The following ZFYVE28 variants were observed in gnomAD, a reference collection of about 807,000 sequenced individuals.
The protein encoded by ZFYVE28 is zinc finger FYVE-type containing 28.
Under a neutral mutation model 82.1 loss-of-function variants are expected in ZFYVE28, and 40 were observed. That is an observed-to-expected ratio of 0.49 (90% CI 0.38 to 0.63). ZFYVE28 has a LOEUF of 0.63. ZFYVE28 is among the 30% of genes least tolerant of loss of function. The probability of loss-of-function intolerance (pLI) is 0.00; values close to 1 mark genes in which losing one functional copy is unlikely to be tolerated. For synonymous variants in ZFYVE28, 612 were observed against 546.1 expected (o/e 1.12, Z -1.68); for missense variants, 1,321 against 1,242.1 (o/e 1.06, Z -0.96).
In ZFYVE28 at chr4:2,339,746, G is replaced by A; in HGVS notation, c.319-91C>T. The A allele has an allele frequency of 3.1e-6, 4 of 1,272,146 alleles. No homozygotes were observed. Among genetic ancestry groups the A allele is most frequent in the South Asian group, 1.5e-5 (1 of 68,350 alleles). The allele number at this position is 1,272,146 out of a possible 1,614,324, so 78.8% of individuals were successfully genotyped here. ...CGGGGAACCTGACTGCGCACCTCGG[G>A]GCCCCTCTTCTCACCCCACAGCACA... On this transcript the variant is annotated intron_variant, in intron 3 of 12. Transcript: ENST00000290974. This position sits in a 1 kb window ranked among gnomAD's most constrained non-coding sequence, Gnocchi z 5.0.
chr4:2,311,187 C>T (rs1717421082), intron 7 of ZFYVE28, among the ~76,000 whole-genome samples: 1 of 152,104 alleles, frequency 6.6e-6, no homozygotes, highest in African/African-American at 2.4e-5. Context: ...TTCTCTTGAA[C>T]TAGTCCAGCT....
At chr4:2,383,664 G>C (rs1452940532) in intron 1 of ZFYVE28, among the ~76,000 whole-genome samples, 1 of 152,208 alleles carries the variant, frequency 6.6e-6, no homozygotes, top group Non-Finnish European at 1.5e-5. Flanking sequence ...CACGCTTCAA[G>C]TGTCAAAGCC....
chr4:2,386,148 T>A (rs1729237861), intron 1 of ZFYVE28, among the ~76,000 whole-genome samples: 1 of 152,078 alleles, frequency 6.6e-6, no homozygotes, highest in Non-Finnish European at 1.5e-5. Flanking sequence ...GAATGTCCCC[T>A]CCCAAATGCA....
chr4:2,417,676 G>A lies in ZFYVE28; in HGVS notation c.39+609C>T, dbSNP rs886302231. ...GTGTGGGTCAGTCCTGGTTCGGGAA[G>A]GGAGGCCGTTGGCAGGGCCATCAGG... On this transcript the variant is annotated intron_variant, in intron 1 of 12. Coordinates refer to ENST00000290974, the MANE Select transcript of ZFYVE28 (RefSeq NM_020972.3). This position sits in a 1 kb window ranked among gnomAD's most constrained non-coding sequence, Gnocchi z 4.8. Among the ~76,000 whole-genome samples, 3 of 151,732 alleles carry A rather than the reference G, an allele frequency of 2.0e-5. No individual in the cohort carries two copies. The highest frequency in any genetic ancestry group is 2.9e-5 in the Non-Finnish European group (2 of 67,944).
In ZFYVE28 at chr4:2,408,905, C is replaced by T. The variant is rs897540560; in HGVS notation, c.39+9380G>A. ...CAGTTCCCGGCGGTTTCTAAGTGGA[C>T]CTTCCCATGCACTCAGCTTTAGGTT... is the stretch of plus-strand genomic sequence containing the variant. On this transcript the variant is annotated intron_variant, in intron 1 of 12. Coordinates refer to ENST00000290974, the MANE Select transcript of ZFYVE28 (RefSeq NM_020972.3). The surrounding 1 kb of genome is among the most constrained non-coding windows in gnomAD (Gnocchi z 4.3). 1.3e-5 allele frequency among the ~76,000 whole-genome samples: 2 copies of T among 152,232 alleles called. No homozygotes were observed. The highest frequency in any genetic ancestry group is 2.9e-5 in the Non-Finnish European group (2 of 68,032).
Position 2,394,550 on chromosome 4 carries a change from AACC to A in ZFYVE28, c.39+23732_39+23734del, listed in dbSNP as rs1382379174. Among the ~76,000 whole-genome samples the A allele has an allele frequency of 1.3e-5, 2 of 152,168 alleles. No homozygotes were observed. Among genetic ancestry groups the A allele is most frequent in the African/African-American group, 4.8e-5 (2 of 41,434 alleles). ...GGTTGACCGCATGAGAAGGGTCATGAACCACAAGTTATGATGGCTCCAGCTGTG... is the reference window on the plus strand; with the variant it reads ...GGTTGACCGCATGAGAAGGGTCATGAACAAGTTATGATGGCTCCAGCTGTG... On this transcript the variant is annotated intron_variant, in intron 1 of 12. Coordinates refer to ENST00000290974, the MANE Select transcript of ZFYVE28 (RefSeq NM_020972.3). The surrounding 1 kb of genome is among the most constrained non-coding windows in gnomAD (Gnocchi z 4.0).
Position 2,391,738 on chromosome 4 carries a change from C to CTTTTTTTTTTTTTTTT in ZFYVE28, c.39+26546_39+26547insAAAAAAAAAAAAAAAA, listed in dbSNP as rs374413016. ...GGCTTCCTGTAAGTCAATTCTCTCT[C>CTTTTTTTTTTTTTTTT]TCTTTTTTTTTTTTTGTGACTGAGT... On this transcript the variant is annotated intron_variant, in intron 1 of 12. Coordinates refer to ENST00000290974, the MANE Select transcript of ZFYVE28 (RefSeq NM_020972.3). Among the ~76,000 whole-genome samples, 5 of 139,770 alleles carry CTTTTTTTTTTTTTTTT rather than the reference C, an allele frequency of 3.6e-5. 2 individuals are homozygous for CTTTTTTTTTTTTTTTT. Among genetic ancestry groups the CTTTTTTTTTTTTTTTT allele is most frequent in the Non-Finnish European group, 4.6e-5 (3 of 65,068 alleles). 91.7% of individuals were successfully genotyped at this position (139,770 alleles called of 152,430 possible).
At chr4:2,308,983 G>A (rs28769084) in intron 7 of ZFYVE28, among the ~76,000 whole-genome samples, 69,281 of 151,966 alleles carry the variant, frequency 0.46, 16,526 homozygotes, top group Middle Eastern at 0.56. Flanking sequence ...TTATGCTTAC[G>A]TATTTGATAT....
intron 7 of ZFYVE28, among the ~76,000 whole-genome samples, chr4:2,310,363 C>A (rs1354635160): frequency 6.6e-6 from 1 of 152,088 alleles, no homozygotes; most frequent in Non-Finnish European, 1.5e-5. Flanking sequence ...CATGATATAT[C>A]TTATTTATAT....
At chr4:2,353,579 G>A (rs938858435) in intron 2 of ZFYVE28, among the ~76,000 whole-genome samples, 2 of 152,172 alleles carry the variant, frequency 1.3e-5, no homozygotes, top group African/African-American at 4.8e-5. Flanking sequence ...GTCAGTGGCA[G>A]AGTGTGACCA....
rs1733095153 is a variant in ZFYVE28, at chr4:2,416,806, C to CG, written c.39+1478_39+1479insC. Among the ~76,000 whole-genome samples, 1 of 127,248 alleles carries CG rather than the reference C, an allele frequency of 7.9e-6. No individual in the cohort carries two copies. The highest frequency in any genetic ancestry group is 3.6e-5 in the African/African-American group (1 of 27,750). 83.5% of individuals were successfully genotyped at this position (127,248 alleles called of 152,430 possible). On this transcript the variant is annotated intron_variant, in intron 1 of 12. Coordinates refer to ENST00000290974, the MANE Select transcript of ZFYVE28 (RefSeq NM_020972.3). The surrounding 1 kb of genome is among the most constrained non-coding windows in gnomAD (Gnocchi z 4.6). ...GACGCCACAGGAACCCTGAATCCCC[C>CG]CGAGTCCCCTCCCAATCAAGCCAAG...
intron 2 of ZFYVE28, among the ~76,000 whole-genome samples, chr4:2,347,775 A>G (rs1021132722): frequency 3.3e-5 from 5 of 152,234 alleles, no homozygotes; most frequent in Admixed American, 6.5e-5. Flanking sequence ...AGCAGCAATT[A>G]CAGAGAAATT....
intron 7 of ZFYVE28, among the ~76,000 whole-genome samples, chr4:2,309,348 C>A (rs1240101362): frequency 6.6e-6 from 1 of 152,160 alleles, no homozygotes; most frequent in Non-Finnish European, 1.5e-5. Flanking sequence ...CTAAACGAAC[C>A]TCCTTGCTTT....
Position 2,304,441 on chromosome 4 carries a change from C to T in ZFYVE28, c.1899G>A (p.Lys633=). 1 of 1,613,708 alleles carries T rather than the reference C, an allele frequency of 6.2e-7. No individual in the cohort carries two copies. Among genetic ancestry groups the T allele is most frequent in the Non-Finnish European group, 8.5e-7 (1 of 1,179,986 alleles). Residue 633 remains lysine, a synonymous_variant, in exon 8 of 13, where the codon AAG becomes AAA. Transcript: ENST00000290974. ...GGGAACCTGAGGTGTGAGGCAGGCA[C>T]TTGTCGGAAGTGGGGGCTTTGGGCT... The part of the protein sequence containing the change: ...GREPKAPTSD[K]CLPHTSGSQV...
At chr4:2,308,683 G>GAAAGAGAAAGAAAAGA (rs1553830775) in intron 7 of ZFYVE28, among the ~76,000 whole-genome samples, 1 of 81,442 alleles carries the variant, frequency 1.2e-5, no homozygotes, top group African/African-American at 5.0e-5. Flanking sequence ...GAAAGAGAAA[G>GAAAGAGAAAGAAAAGA]AAAGAAAAGA....
chr4:2,336,890 TGAG>T (rs1721856984), intron 5 of ZFYVE28, among the ~76,000 whole-genome samples: 3 of 28,846 alleles, frequency 1.0e-4, no homozygotes, highest in East Asian at 9.3e-4. Flanking sequence ...AGTGAGGAGG[TGAG>T]GTGAGGAGTT....
In ZFYVE28 at chr4:2,338,581, A is replaced by G. The variant is rs563263327; in HGVS notation, c.521+872T>C. Among the ~76,000 whole-genome samples, 120 of 152,340 alleles carry G rather than the reference A, an allele frequency of 7.9e-4. 2 individuals are homozygous for G. The highest frequency in any genetic ancestry group is 3.7e-3 in the Admixed American group (56 of 15,312). Reference sequence around the variant, plus strand: ...GCACTCCAGCCTGGGCAACAGAGTGAGACTCCGTCTCAGAAAATAAATAAA... The same window carrying G: ...GCACTCCAGCCTGGGCAACAGAGTGGGACTCCGTCTCAGAAAATAAATAAA... On this transcript the variant is annotated intron_variant, in intron 4 of 12. Coordinates refer to ENST00000290974, the MANE Select transcript of ZFYVE28 (RefSeq NM_020972.3).
chr4:2,312,662 A>G lies in ZFYVE28; in HGVS notation c.804-7126T>C, dbSNP rs918337250. Among the ~76,000 whole-genome samples, 9 of 133,894 alleles carry G rather than the reference A, an allele frequency of 6.7e-5. No homozygotes were observed. The Middle Eastern group carries it at 0.024, about 354-fold the overall frequency. The allele number at this position is 133,894 out of a possible 152,430, so 87.8% of individuals were successfully genotyped here. On this transcript the variant is annotated intron_variant, in intron 7 of 12. Coordinates refer to ENST00000290974, the MANE Select transcript of ZFYVE28 (RefSeq NM_020972.3). ...AGAATGGCATGAACCCAGGAGGCGG[A>G]GCTTGCAGTGAGCGAGATCGCGCCA...
chr4:2,344,703 C>G (rs1723271030), intron 2 of ZFYVE28, among the ~76,000 whole-genome samples: 1 of 151,220 alleles, frequency 6.6e-6, no homozygotes, highest in Admixed American at 6.6e-5. Context: ...TCGAGACCAG[C>G]CAGGCCAACA....
Sources: allele counts gnomAD v4.1 joint callset (sites outside exome capture counted in the v4.1 genomes callset), GRCh38; gene constraint gnomAD v4.1.1; non-coding constraint Gnocchi (gnomAD v3.1); transcripts MANE v1.5; gene names NCBI Gene and HGNC (gene_info 2026-07-23, HGNC 2026-07-21).